MAP3K15: variants seen among roughly 807,000 people sequenced by gnomAD.
MAP3K15 encodes mitogen-activated protein kinase kinase kinase 15.
In MAP3K15, 124 loss-of-function variants were observed where a neutral mutation model predicts 99.5. That is an observed-to-expected ratio of 1.25 (90% CI 1.08 to 1.45). The LOEUF (loss-of-function observed/expected upper bound fraction) is 1.45. Among genes scored for constraint, MAP3K15 ranks in the 40% most tolerant of loss-of-function variants. The pLI is 0.00. For missense variants in MAP3K15, 1,242 were observed against 1,079.7 expected (o/e 1.15, Z -2.11); for synonymous variants, 494 against 439.6 (o/e 1.12, Z -1.55).
intron 5 of MAP3K15, among the ~76,000 whole-genome samples, chrX:19,459,450 G>A (rs898525548): frequency 2.7e-5 from 3 of 112,167 alleles, no homozygotes; most frequent in African/African-American, 6.5e-5. Context: ...TCTTCTTGTC[G>A]GAGTGGTCAC....
chrX:19,481,905 G>A (rs1180550993), intron 3 of MAP3K15: 4 of 110,943 alleles, frequency 3.6e-5, no homozygotes, highest in Admixed American at 9.6e-5. Flanking sequence ...AGCCAGGCAC[G>A]GTGGCTCACA....
intron 1 of MAP3K15, among the ~76,000 whole-genome samples, chrX:19,511,678 G>A (rs1423331960): frequency 8.9e-6 from 1 of 112,278 alleles, no homozygotes; most frequent in Non-Finnish European, 1.9e-5. Flanking sequence ...ACAGATGCTG[G>A]AGAGGATGTG....
At chrX:19,371,671 C>G (rs1195229182) in intron 22 of MAP3K15, 141 bp from the exon 23 acceptor site, 1 of 519,625 alleles carries the variant, frequency 1.9e-6, no homozygotes, top group African/African-American at 2.4e-5. Flanking sequence ...TTGTTCCCTC[C>G]ATAACCTTCC....
intron 13 of MAP3K15, among the ~76,000 whole-genome samples, chrX:19,404,586 C>T (rs2063634042): frequency 8.9e-6 from 1 of 112,019 alleles, no homozygotes; most frequent in African/African-American, 3.2e-5. Context: ...GCTCACATTT[C>T]CTGATTTTAC....
rs963915493 is a variant in MAP3K15, at chrX:19,515,112, C to T, written c.150G>A (p.Glu50=). The stretch of plus-strand genomic sequence containing the variant: ...GCCGCGGCCCGCCCCCACTCTCGCC[C>T]TCGCCGCTGCCGCCTGCCGCGCCCT... The part of the protein sequence containing the change: ...AAEGAAGGSG[E]GESGGGPRRA... Residue 50 remains glutamate, a synonymous_variant, in exon 1 of 29, where the codon GAG becomes GAA. Transcript: ENST00000338883. The T allele has an allele frequency of 8.9e-5, 75 of 841,026 alleles. No individual in the cohort carries two copies. Among genetic ancestry groups the T allele is most frequent in the Non-Finnish European group, 1.1e-4 (71 of 671,110 alleles). 69.3% of individuals were successfully genotyped at this position (841,026 alleles called of 1,213,427 possible). A position where few individuals can be genotyped will look rare whatever the true frequency, so the allele number is the denominator to read the frequency against.
chrX:19,445,291 T>C (rs761446374), intron 6 of MAP3K15, among the ~76,000 whole-genome samples: 3 of 110,212 alleles, frequency 2.7e-5, no homozygotes, highest in South Asian at 7.8e-4. Context: ...TTAAAAGTTT[T>C]TATTAAGAAA....
intron 12 of MAP3K15, chrX:19,408,647 AAAAAT>A (rs144199333): frequency 0.12 from 12,859 of 110,278 alleles, 1,420 homozygotes; most frequent in African/African-American, 0.33. Flanking sequence ...AGCAAGACAA[AAAAAT>A]AAAATAAAAT....
intron 12 of MAP3K15, among the ~76,000 whole-genome samples, chrX:19,409,073 T>G (rs1184514500): frequency 1.8e-5 from 2 of 111,708 alleles, no homozygotes; most frequent in East Asian, 5.6e-4. Flanking sequence ...ATCATCCCAA[T>G]GCACTACTTT....
intron 1 of MAP3K15, among the ~76,000 whole-genome samples, chrX:19,498,672 T>C (rs1275287175): frequency 8.9e-6 from 1 of 111,994 alleles, no homozygotes. Flanking sequence ...AAGGAGGCAG[T>C]AGTGGTCCTG....
chrX:19,429,462 G>C (rs1325700885), intron 7 of MAP3K15, among the ~76,000 whole-genome samples: 2 of 110,564 alleles, frequency 1.8e-5, no homozygotes, highest in Non-Finnish European at 3.8e-5. Flanking sequence ...AACACTGACT[G>C]AAAGTTTAGA....
At chrX:19,447,399 T>A (rs1157788065) in intron 6 of MAP3K15, among the ~76,000 whole-genome samples, 227 of 111,799 alleles carry the variant, frequency 2.0e-3, no homozygotes, top group Non-Finnish European at 3.6e-3. Context: ...CCTACATTGC[T>A]GAAATAAGAG....
At chrX:19,488,218 T>A (rs185980100) in intron 2 of MAP3K15, among the ~76,000 whole-genome samples, 59 of 112,158 alleles carry the variant, frequency 5.3e-4, no homozygotes, top group Admixed American at 3.5e-3. Context: ...AAGCATTTTT[T>A]AAAAAAATAC....
At chrX:19,434,868 A>T (rs896605417) in intron 6 of MAP3K15, among the ~76,000 whole-genome samples, 1 of 111,770 alleles carries the variant, frequency 8.9e-6, no homozygotes, top group African/African-American at 3.2e-5. Context: ...GACCTTCTGG[A>T]AACCTGTAAT....
chrX:19,417,641 T>G (rs1406963379), intron 9 of MAP3K15, among the ~76,000 whole-genome samples: 1 of 111,750 alleles, frequency 8.9e-6, no homozygotes, highest in Non-Finnish European at 1.9e-5. Context: ...ACAAAAGGCA[T>G]CAGAATCCTC....
At chrX:19,424,249 T>C (rs2063811122) in intron 9 of MAP3K15, among the ~76,000 whole-genome samples, 1 of 107,340 alleles carries the variant, frequency 9.3e-6, no homozygotes, top group South Asian at 4.1e-4. Context: ...TATATACATA[T>C]ATATACACAT....
At chrX:19,437,015 T>C (rs776842449) in intron 6 of MAP3K15, among the ~76,000 whole-genome samples, 1 of 112,169 alleles carries the variant, frequency 8.9e-6, no homozygotes, top group South Asian at 3.7e-4. Flanking sequence ...AAACCTGTTC[T>C]TCTACAGTCT....
At chrX:19,502,334 G>T (rs751455861) in intron 1 of MAP3K15, among the ~76,000 whole-genome samples, 2 of 110,950 alleles carry the variant, frequency 1.8e-5, no homozygotes, top group Admixed American at 9.6e-5. Context: ...TTATGGGGGC[G>T]GTTCCCCCAT....
Position 19,472,226 on chromosome X carries a change from A to AAATAATAAT in MAP3K15, c.526-7829_526-7821dup, listed in dbSNP as rs202068828. On this transcript the variant is annotated intron_variant, in intron 3 of 28. Coordinates refer to ENST00000338883, the MANE Select transcript of MAP3K15 (RefSeq NM_001001671.4). ...GCCATAGAGCGAGACTCTGTCTCAA[A>AAATAATAAT]AATAATAATAATAATAATAATAATA... Among the ~76,000 whole-genome samples, 187 of 97,438 alleles carry AAATAATAAT rather than the reference A, an allele frequency of 1.9e-3. 1 individual carries two copies. The highest frequency in any genetic ancestry group is 4.9e-3 in the African/African-American group (130 of 26,480). The allele number at this position is 97,438 out of a possible 115,157, so 84.6% of individuals were successfully genotyped here. A position where few individuals can be genotyped will look rare whatever the true frequency, so the allele number is the denominator to read the frequency against.
Position 19,415,113 on chromosome X carries a change from T to A in MAP3K15, c.1584A>T (p.Arg528Ser). The change falls in exon 10 of 29, where the codon AGA (arginine) becomes AGT (serine). Residue 528 changes from arginine (R) to serine (S), a missense_variant. Coordinates refer to ENST00000338883, the MANE Select transcript of MAP3K15 (RefSeq NM_001001671.4). ...TGGATTTAGCATATCTTACTGGAAA[T>A]CTGAGTCCATTAGTGACTTCATTTG... The part of the protein sequence containing the change: ...EATNEVTNGL[R>S]FPVLVIEPTK... 3.5e-6 allele frequency: 4 copies of A among 1,155,057 alleles called. No homozygotes were observed. Among genetic ancestry groups the A allele is most frequent in the Non-Finnish European group, 4.6e-6 (4 of 874,763 alleles).
Sources: allele counts gnomAD v4.1 joint callset (sites outside exome capture counted in the v4.1 genomes callset), GRCh38; gene constraint gnomAD v4.1.1; transcripts MANE v1.5; gene names NCBI Gene and HGNC (gene_info 2026-07-23, HGNC 2026-07-21).